SLC38A8: variants seen among roughly 807,000 people sequenced by gnomAD.
The protein encoded by SLC38A8 is amino acid transporter SLC38A8.
In SLC38A8, 65 loss-of-function variants were observed where a neutral mutation model predicts 46.0. The ratio of observed to expected loss-of-function variants is 1.41; its 90% confidence interval spans 1.16 to 1.74. The LOEUF is 1.74. Among genes scored for constraint, SLC38A8 ranks in the 40% most tolerant of loss-of-function variants. SLC38A8 has a pLI of 0.00. For synonymous variants in SLC38A8, 447 were observed against 243.7 expected, an observed-to-expected ratio of 1.83 and a Z score of -7.77; for missense variants, 998 against 567.9, an observed-to-expected ratio of 1.76 and a Z score of -7.70.
At chr16:84,033,243 C>A (rs2085265320) in intron 4 of SLC38A8, 85 bp downstream of exon 4, 5 of 1,571,252 alleles carry the variant, frequency 3.2e-6, no homozygotes, top group South Asian at 1.2e-5. Flanking sequence ...AATTCCCCAG[C>A]TCCTCTGACC....
chr16:84,029,216 G>A (rs558501787), intron 6 of SLC38A8, among the ~76,000 whole-genome samples: 25 of 152,208 alleles, frequency 1.6e-4, no homozygotes, highest in East Asian at 9.7e-4. Context: ...CACACTCTAC[G>A]CGAAACCTAA....
chr16:84,012,147 A>T (rs781725871), intron 10 of SLC38A8, among the ~76,000 whole-genome samples: 1 of 152,230 alleles, frequency 6.6e-6, no homozygotes, highest in Non-Finnish European at 1.5e-5. Flanking sequence ...ATTTGTTACA[A>T]TAACCCCATA....
intron 8 of SLC38A8, 148 bp from the exon 9 acceptor site, chr16:84,016,875 C>T (rs899515182): frequency 5.1e-5 from 55 of 1,073,260 alleles, no homozygotes; most frequent in Non-Finnish European, 6.5e-5. Context: ...GAGACCTTGC[C>T]AACCCTCAGG....
chr16:84,029,085 C>T (rs566259359), intron 6 of SLC38A8, among the ~76,000 whole-genome samples: 24 of 152,282 alleles, frequency 1.6e-4, no homozygotes, highest in Admixed American at 1.6e-3. Context: ...AGGCCCTGGG[C>T]AGAGTCCACC....
chr16:84,016,772 C>G (rs777875452), intron 8 of SLC38A8, 45 bp from the exon 9 acceptor site: 5 of 1,578,040 alleles, frequency 3.2e-6, no homozygotes, highest in African/African-American at 2.7e-5. Context: ...CTCAGGGGCA[C>G]CAGCCTCCAC....
Position 84,022,755 on chromosome 16 carries a change from G to T in SLC38A8, c.805+20C>A, listed in dbSNP as rs772371097. 4 of 1,600,736 alleles carry T rather than the reference G, an allele frequency of 2.5e-6. No individual in the cohort carries two copies. The highest frequency in any genetic ancestry group is 2.2e-5 in the East Asian group (1 of 44,790). ...CTGTCACTCCCCACCCTCTGCAGGG[G>T]TGCCTGGGAAGGGCCTTACCCGTCA... On this transcript the variant is annotated intron_variant, in intron 7 of 10. Coordinates refer to ENST00000299709, the MANE Select transcript of SLC38A8 (RefSeq NM_001080442.3).
chr16:84,033,375 G>T lies in SLC38A8; in HGVS notation c.483C>A (p.Ile161=), dbSNP rs201299612. The T allele has an allele frequency of 6.2e-7, 1 of 1,614,066 alleles. No homozygotes were observed. Among genetic ancestry groups the T allele is most frequent in the Admixed American group, 1.7e-5 (1 of 60,026 alleles). Residue 161 remains isoleucine, a synonymous_variant, in exon 4 of 11, where the codon ATC becomes ATA. Transcript: ENST00000299709. ...FTLPLLSVLV[I]LPLSAPREIA... ...TCTCCCGCGGGGCAGACAGGGGCAG[G>T]ATGACCAGCACGGAGAGCAGGGGCA...
At chr16:84,035,224 A>T (rs1171304531) in intron 3 of SLC38A8, among the ~76,000 whole-genome samples, 4 of 152,160 alleles carry the variant, frequency 2.6e-5, no homozygotes, top group African/African-American at 9.7e-5. Flanking sequence ...GACGAACTCT[A>T]CTTGCCACTG....
In SLC38A8 at chr16:84,041,999, G is replaced by A. The variant is rs147597105; in HGVS notation, c.159C>T (p.Gly53=). 2.2e-3 allele frequency: 3,537 copies of A among 1,609,118 alleles called. 4 individuals are homozygous for A. Among genetic ancestry groups the A allele is most frequent in the Non-Finnish European group, 2.6e-3 (3,079 of 1,177,326 alleles). The stretch of plus-strand genomic sequence containing the variant: ...CCACCAGGAAGGCAGGGACCACTCC[G>A]CCCGCTTTGGAGAAGGCCCAGGGGA... ...LNFPWAFSKA[G]GVVPAFLVEL... Residue 53 remains glycine (G), a synonymous_variant, in exon 2 of 11, where the codon GGC becomes GGT. Coordinates refer to ENST00000299709, the MANE Select transcript of SLC38A8 (RefSeq NM_001080442.3).
chr16:84,009,959 T>TAG (rs2084935490), intron 10 of SLC38A8, 82 bp from the exon 11 acceptor site: 2 of 1,197,978 alleles, frequency 1.7e-6, no homozygotes, highest in Admixed American at 2.2e-5. Context: ...ATTCACTATG[T>TAG]AGAGCCCAGT....
At chr16:84,023,504 G>A (rs1057047330) in intron 6 of SLC38A8, among the ~76,000 whole-genome samples, 1 of 151,976 alleles carries the variant, frequency 6.6e-6, no homozygotes, top group Admixed American at 6.6e-5. Context: ...GTAAGTAAAT[G>A]GCAGGATACT....
intron 2 of SLC38A8, among the ~76,000 whole-genome samples, chr16:84,040,354 G>C (rs1452294303): frequency 1.3e-5 from 2 of 152,198 alleles, no homozygotes; most frequent in African/African-American, 4.8e-5. Context: ...GCTGAGTGAA[G>C]GGATCTGGAG....
chr16:84,035,530 C>T (rs1367799601), intron 3 of SLC38A8, among the ~76,000 whole-genome samples: 1 of 152,196 alleles, frequency 6.6e-6, no homozygotes, highest in African/African-American at 2.4e-5. Flanking sequence ...CGACCATATG[C>T]TGCCTACAAG....
At chr16:84,020,320 T>A (rs1040992499) in intron 7 of SLC38A8, among the ~76,000 whole-genome samples, 2 of 152,094 alleles carry the variant, frequency 1.3e-5, no homozygotes, top group African/African-American at 4.8e-5. Context: ...ATTTAAAAAA[T>A]GTTTTTGTAG....
rs796318632 is a variant in SLC38A8 at position 84,026,214 on chromosome 16, T to C, written c.690+3280A>G. Among the ~76,000 whole-genome samples, 87 of 150,430 alleles carry C rather than the reference T, an allele frequency of 5.8e-4. 1 individual carries two copies. The highest frequency in any genetic ancestry group is 1.7e-3 in the African/African-American group (70 of 40,124). ...CTTTTCTCCCTGTTTGACTCCGCAG[T>C]TGGGTTTCTACTGGTGTTTTGTTTT... On this transcript the variant is annotated intron_variant, in intron 6 of 10. Coordinates refer to ENST00000299709, the MANE Select transcript of SLC38A8 (RefSeq NM_001080442.3).
At position 84,029,732 on chromosome 16, in the gene SLC38A8, G is replaced by A. The variant is rs115286173; in HGVS notation, c.633-181C>T. The stretch of plus-strand genomic sequence containing the variant: ...AAATGGAAAAGGATGCTGGCTAAAT[G>A]CTGCACTTTCTAAATACGTCTTTGC... On this transcript the variant is annotated intron_variant, in intron 5 of 10. Coordinates refer to ENST00000299709, the MANE Select transcript of SLC38A8 (RefSeq NM_001080442.3). Among the ~76,000 whole-genome samples, 805 of 152,046 alleles carry A rather than the reference G, an allele frequency of 5.3e-3. 14 individuals carry two copies. Among genetic ancestry groups the A allele is most frequent in the African/African-American group, 0.018 (749 of 41,514 alleles).
chr16:84,028,352 G>T (rs1002568589), intron 6 of SLC38A8, among the ~76,000 whole-genome samples: 4 of 152,010 alleles, frequency 2.6e-5, no homozygotes, highest in African/African-American at 9.7e-5. Flanking sequence ...AGGCCGAGGA[G>T]GGCAGATCGC....
chr16:84,025,613 C>T (rs908407822), intron 6 of SLC38A8, among the ~76,000 whole-genome samples: 1 of 152,160 alleles, frequency 6.6e-6, no homozygotes, highest in Non-Finnish European at 1.5e-5. Flanking sequence ...ACCCACCTAC[C>T]CATCCCGTGA....
intron 3 of SLC38A8, among the ~76,000 whole-genome samples, 178 bp downstream of exon 3, chr16:84,036,524 G>A (rs536162454): frequency 1.4e-4 from 21 of 152,362 alleles, no homozygotes; most frequent in African/African-American, 4.8e-4. Context: ...TCACCCAACT[G>A]GTGACTATCC....
Sources: gnomAD v4.1 joint callset for allele counts (sites outside exome capture counted in the v4.1 genomes callset) on GRCh38, gnomAD v4.1.1 for gene constraint, MANE v1.5 for transcripts, NCBI Gene and HGNC (gene_info 2026-07-23, HGNC 2026-07-21) for gene names.